WWOX: variants seen among roughly 807,000 people sequenced by gnomAD.
The protein encoded by WWOX is WW domain-containing oxidoreductase.
A neutral mutation model predicts 46.2 loss-of-function variants in WWOX; 69 were observed. That is an observed-to-expected ratio of 1.49 (90% CI 1.23 to 1.82). The LOEUF is 1.82. Among genes scored for constraint, WWOX ranks in the 40% most tolerant of loss-of-function variants. WWOX has a pLI of 0.00. For synonymous variants in WWOX, 359 were observed against 202.6 expected (o/e 1.77, Z -6.56); for missense variants, 919 against 542.6 (o/e 1.69, Z -6.89).
Position 78,460,086 on chromosome 16 carries a change from C to G in WWOX, c.1056+27334C>G, listed in dbSNP as rs533113347. Among the ~76,000 whole-genome samples, 3 of 151,872 alleles carry G rather than the reference C, an allele frequency of 2.0e-5. No individual in the cohort carries two copies. The East Asian group carries it at 5.9e-4, about 30-fold the overall frequency. ...CCTCCCAAAGTGCTGGGATTACAGG[C>G]ATGAGCCACTGTACCTGGACTCCAC... On this transcript the variant is annotated intron_variant, in intron 8 of 8. Coordinates refer to ENST00000566780, the MANE Select transcript of WWOX (RefSeq NM_016373.4).
intron 8 of WWOX, among the ~76,000 whole-genome samples, chr16:79,092,822 G>A (rs1459064992): frequency 1.3e-5 from 2 of 151,994 alleles, no homozygotes; most frequent in African/African-American, 2.4e-5. Flanking sequence ...AGGCCATCCC[G>A]AGGCTGTCTC....
chr16:78,468,457 T>G (rs16947611), intron 8 of WWOX, among the ~76,000 whole-genome samples: 4,531 of 152,136 alleles, frequency 0.03, 242 homozygotes, highest in African/African-American at 0.1. Flanking sequence ...AGTTTGCAGA[T>G]TCATCCTTTT....
At chr16:78,990,510 A>T (rs920064005) in intron 8 of WWOX, among the ~76,000 whole-genome samples, 1 of 152,234 alleles carries the variant, frequency 6.6e-6, no homozygotes, top group Admixed American at 6.5e-5. Flanking sequence ...CATTCTATCA[A>T]TGCCAAAATG....
chr16:78,629,221 T>A (rs983371379), intron 8 of WWOX, among the ~76,000 whole-genome samples: 4 of 145,556 alleles, frequency 2.7e-5, no homozygotes, highest in African/African-American at 1.0e-4. Context: ...CAGGAAGACT[T>A]TTTCTCTTGG....
At chr16:78,599,478 G>C (rs1024639829) in intron 8 of WWOX, among the ~76,000 whole-genome samples, 2 of 152,182 alleles carry the variant, frequency 1.3e-5, no homozygotes, top group Admixed American at 6.5e-5. Flanking sequence ...CAGCCCCTCT[G>C]ACTGGTGTTT....
intron 8 of WWOX, among the ~76,000 whole-genome samples, chr16:78,449,678 T>C (rs1489421640): frequency 6.6e-6 from 1 of 152,230 alleles, no homozygotes; most frequent in African/African-American, 2.4e-5. Context: ...TATATGCATT[T>C]CTGCTTTCTG....
At chr16:79,101,605 G>A (rs2049195093) in intron 8 of WWOX, 1 of 152,074 alleles carries the variant, frequency 6.6e-6, no homozygotes, top group Non-Finnish European at 1.5e-5. Context: ...TCAAGCCAAT[G>A]CAGGAAGTAG....
At chr16:78,339,422 T>G (rs2080965573) in intron 5 of WWOX, among the ~76,000 whole-genome samples, 1 of 118,244 alleles carries the variant, frequency 8.5e-6, no homozygotes, top group African/African-American at 2.9e-5. Context: ...AGTTTGGGGT[T>G]GTTGTCCTTT....
chr16:78,568,110 G>A (rs1597280479), intron 8 of WWOX, among the ~76,000 whole-genome samples: 1 of 152,280 alleles, frequency 6.6e-6, no homozygotes, highest in East Asian at 1.9e-4. Context: ...AATCCGTGCG[G>A]AATTTGAAAG....
chr16:78,933,031 A>G (rs1404329071), intron 8 of WWOX, among the ~76,000 whole-genome samples: 1 of 152,200 alleles, frequency 6.6e-6, no homozygotes, highest in Non-Finnish European at 1.5e-5. Context: ...CTGAGTTAAG[A>G]GTTTCTATGA....
intron 5 of WWOX, among the ~76,000 whole-genome samples, chr16:78,363,744 T>A (rs969027975): frequency 3.3e-5 from 5 of 152,160 alleles, no homozygotes; most frequent in Non-Finnish European, 1.5e-5. Context: ...AATGGGACTC[T>A]GGAGTAGATG....
chr16:78,979,144 C>T (rs1322661182), intron 8 of WWOX, among the ~76,000 whole-genome samples: 1 of 149,628 alleles, frequency 6.7e-6, no homozygotes, highest in East Asian at 2.0e-4. Context: ...TCGAATATCA[C>T]TTGGGTCTTA....
chr16:78,138,585 G>A (rs796346082), intron 4 of WWOX, among the ~76,000 whole-genome samples: 36 of 152,310 alleles, frequency 2.4e-4, no homozygotes, highest in African/African-American at 8.2e-4. Context: ...ATGAAAGTCC[G>A]ATAAGAATCC....
chr16:78,611,195 G>C (rs1368795274), intron 8 of WWOX, among the ~76,000 whole-genome samples: 1 of 152,286 alleles, frequency 6.6e-6, no homozygotes, highest in South Asian at 2.1e-4. Flanking sequence ...TTGGACAAGG[G>C]AGTAATTTGT....
At chr16:78,926,782 C>G (rs1241625916) in intron 8 of WWOX, among the ~76,000 whole-genome samples, 1 of 151,930 alleles carries the variant, frequency 6.6e-6, no homozygotes, top group Non-Finnish European at 1.5e-5. Context: ...AGCTGAGTGC[C>G]AGTTTGTTTT....
chr16:78,978,082 T>G (rs1425589159), intron 8 of WWOX, among the ~76,000 whole-genome samples: 1 of 152,198 alleles, frequency 6.6e-6, no homozygotes. Context: ...TCTCAGTAGG[T>G]TTGCTTATTT....
intron 8 of WWOX, among the ~76,000 whole-genome samples, chr16:79,045,586 A>G (rs2048049192): frequency 6.6e-6 from 1 of 152,064 alleles, no homozygotes; most frequent in Non-Finnish European, 1.5e-5. Context: ...AAGCCTCAAA[A>G]CAATCTGATG....
intron 8 of WWOX, among the ~76,000 whole-genome samples, chr16:78,673,127 G>A (rs569750221): frequency 6.6e-6 from 1 of 152,348 alleles, no homozygotes; most frequent in South Asian, 2.1e-4. Flanking sequence ...GTGCAGACAT[G>A]TCCTGAAGGA....
intron 5 of WWOX, among the ~76,000 whole-genome samples, chr16:78,176,715 C>T (rs1338961264): frequency 6.6e-6 from 1 of 152,164 alleles, no homozygotes; most frequent in Non-Finnish European, 1.5e-5. Context: ...TATTACTGAA[C>T]TTTAATTACT....
Sources: gnomAD v4.1 joint callset for allele counts (sites outside exome capture counted in the v4.1 genomes callset) on GRCh38, gnomAD v4.1.1 for gene constraint, MANE v1.5 for transcripts, NCBI Gene and HGNC (gene_info 2026-07-23, HGNC 2026-07-21) for gene names.